The following UMAD1 variants were observed in gnomAD, a reference collection of about 807,000 sequenced individuals.
UMAD1 encodes UBAP1-MVB12-associated (UMA) domain containing 1.
UMAD1 carries 8 observed loss-of-function variants against 6.1 expected under a neutral mutation model. That is an observed-to-expected ratio of 1.30 (90% confidence interval 0.76 to 2.35). The LOEUF (loss-of-function observed/expected upper bound fraction) is 2.35, where lower values mean the gene tolerates loss of function less well. Among genes scored for constraint, UMAD1 ranks in the 30% most tolerant of loss-of-function variants. UMAD1 has a pLI of 0.00. For missense variants in UMAD1, 130 were observed against 78.4 expected, an observed-to-expected ratio of 1.66 and a Z score of -2.49; for synonymous variants, 56 against 31.4, an observed-to-expected ratio of 1.78 and a Z score of -2.61.
intron 2 of UMAD1, among the ~76,000 whole-genome samples, chr7:7,754,537 G>A (rs1046401451): frequency 5.9e-5 from 9 of 152,108 alleles, no homozygotes; most frequent in African/African-American, 2.2e-4. Context: ...CTTTCCTTAT[G>A]TATGTTTTAC....
chr7:7,788,350 T>A (rs1477171028), intron 2 of UMAD1, among the ~76,000 whole-genome samples: 2 of 152,210 alleles, frequency 1.3e-5, no homozygotes, highest in African/African-American at 4.8e-5. Flanking sequence ...TATTTTAGGC[T>A]AAGAGTGGTC....
intron 2 of UMAD1, among the ~76,000 whole-genome samples, chr7:7,696,032 T>C (rs886441131): frequency 3.3e-5 from 5 of 150,122 alleles, no homozygotes; most frequent in Non-Finnish European, 7.4e-5. Flanking sequence ...TTTTTTGAGA[T>C]GGAGTCTCTG....
intron 2 of UMAD1, among the ~76,000 whole-genome samples, chr7:7,763,073 A>G (rs1781922307): frequency 6.6e-6 from 1 of 152,162 alleles, no homozygotes; most frequent in Non-Finnish European, 1.5e-5. Context: ...GCCAAATTAT[A>G]TTTTTAAATG....
At chr7:7,717,653 C>T (rs1036618457) in intron 2 of UMAD1, among the ~76,000 whole-genome samples, 1 of 151,970 alleles carries the variant, frequency 6.6e-6, no homozygotes, top group Admixed American at 6.6e-5. Context: ...TCTGTTTTTC[C>T]CACTTTGGGG....
At chr7:7,854,852 TA>T (rs1438406891) in intron 3 of UMAD1, among the ~76,000 whole-genome samples, 1 of 152,176 alleles carries the variant, frequency 6.6e-6, no homozygotes, top group African/African-American at 2.4e-5. Context: ...TATGAGCCTG[TA>T]AAATCAAAGC....
At chr7:7,681,168 G>A (rs1779902384) in intron 2 of UMAD1, among the ~76,000 whole-genome samples, 1 of 152,028 alleles carries the variant, frequency 6.6e-6, no homozygotes, top group African/African-American at 2.4e-5. Flanking sequence ...TCCTTATGTG[G>A]CCTTTATAAC....
intron 3 of UMAD1, among the ~76,000 whole-genome samples, chr7:7,818,860 G>GT (rs1401970946): frequency 2.0e-5 from 3 of 152,104 alleles, no homozygotes; most frequent in Non-Finnish European, 2.9e-5. Context: ...TTTTTCCTCT[G>GT]TTTTTTTGAG....
intron 1 of UMAD1, among the ~76,000 whole-genome samples, chr7:7,642,065 G>C (rs1220424627): frequency 6.6e-6 from 1 of 152,136 alleles, no homozygotes; most frequent in Non-Finnish European, 1.5e-5. Context: ...TAAGTCTTTT[G>C]TACTTTAGCA....
At chr7:7,803,706 T>C (rs897307189) in intron 3 of UMAD1, among the ~76,000 whole-genome samples, 11 of 152,212 alleles carry the variant, frequency 7.2e-5, no homozygotes, top group Non-Finnish European at 1.3e-4. Context: ...GGCCCTTTTT[T>C]TTTTTGGTTT....
At chr7:7,678,118 G>C (rs990641985) in intron 2 of UMAD1, among the ~76,000 whole-genome samples, 2 of 130,668 alleles carry the variant, frequency 1.5e-5, no homozygotes, top group Middle Eastern at 3.6e-3. Flanking sequence ...TAGAATTGCT[G>C]TATCATATAG....
At chr7:7,641,887 A>G (rs532056087) in intron 1 of UMAD1, among the ~76,000 whole-genome samples, 69 of 152,320 alleles carry the variant, frequency 4.5e-4, no homozygotes, top group Non-Finnish European at 7.8e-4. Flanking sequence ...ATTAAATGAT[A>G]GTCTCCCTTA....
intron 2 of UMAD1, among the ~76,000 whole-genome samples, chr7:7,769,105 A>G (rs1358666243): frequency 6.6e-6 from 1 of 152,166 alleles, no homozygotes; most frequent in Non-Finnish European, 1.5e-5. Context: ...TCTGTCCAGA[A>G]ATTTAGCTTT....
intron 3 of UMAD1, among the ~76,000 whole-genome samples, chr7:7,824,991 G>A (rs1783312477): frequency 1.3e-5 from 2 of 152,128 alleles, no homozygotes; most frequent in Non-Finnish European, 2.9e-5. Context: ...CCCATATAGA[G>A]GGGTGGTCAT....
intron 2 of UMAD1, among the ~76,000 whole-genome samples, chr7:7,758,718 G>T (rs1017643726): frequency 9.2e-5 from 14 of 152,060 alleles, no homozygotes; most frequent in African/African-American, 2.4e-4. Context: ...ATTCAATGTT[G>T]CATTTTTCAG....
chr7:7,753,998 A>C (rs1400840528), intron 2 of UMAD1, among the ~76,000 whole-genome samples: 1 of 152,126 alleles, frequency 6.6e-6, no homozygotes, highest in East Asian at 1.9e-4. Flanking sequence ...AGCCTGACCA[A>C]CATGGTGAAA....
intron 3 of UMAD1, among the ~76,000 whole-genome samples, chr7:7,855,334 C>T (rs1487181389): frequency 1.3e-5 from 2 of 152,248 alleles, no homozygotes; most frequent in Non-Finnish European, 2.9e-5. Context: ...CATGAGGGCT[C>T]CACCCCTGCA....
intron 1 of UMAD1, among the ~76,000 whole-genome samples, chr7:7,670,093 G>A (rs1035683579): frequency 6.6e-6 from 1 of 152,124 alleles, no homozygotes; most frequent in African/African-American, 2.4e-5. Context: ...TTAATTACTT[G>A]TTATAAATTC....
chr7:7,792,983 T>C (rs766910102), intron 2 of UMAD1, among the ~76,000 whole-genome samples: 2 of 152,144 alleles, frequency 1.3e-5, no homozygotes, highest in Non-Finnish European at 2.9e-5. Flanking sequence ...CTCCACCTCT[T>C]ACTACCAACA....
At chr7:7,866,549 C>A (rs1784228691) in intron 3 of UMAD1, among the ~76,000 whole-genome samples, 1 of 152,114 alleles carries the variant, frequency 6.6e-6, no homozygotes, top group African/African-American at 2.4e-5. Context: ...TTCAATGAGC[C>A]AAGGCTCAGA....
Sources: gnomAD v4.1 joint callset for allele counts (sites outside exome capture counted in the v4.1 genomes callset) on GRCh38, gnomAD v4.1.1 for gene constraint, MANE v1.5 for transcripts, NCBI Gene and HGNC (gene_info 2026-07-23, HGNC 2026-07-21) for gene names.